The following RIN3 variants were observed in gnomAD, a reference collection of about 807,000 sequenced individuals.
RIN3 encodes Ras and Rab interactor 3, also known as RAB5 interacting protein 3.
Under a neutral mutation model 76.3 loss-of-function variants are expected in RIN3, and 54 were observed. The observed-to-expected ratio is 0.71, with a 90% CI of 0.57 to 0.89. RIN3 has a LOEUF of 0.89. RIN3 is among the 40% of genes least tolerant of loss of function. The pLI, the probability that RIN3 is intolerant of heterozygous loss-of-function variation, is 0.00. For synonymous variants in RIN3, 576 were observed against 564.0 expected, an observed-to-expected ratio of 1.02 and a Z score of -0.30; for missense variants, 1,256 against 1,322.1, an observed-to-expected ratio of 0.95 and a Z score of 0.78.
chr14:92,659,732 G>A (rs923599408), intron 7 of RIN3, among the ~76,000 whole-genome samples: 1 of 152,214 alleles, frequency 6.6e-6, no homozygotes, highest in African/African-American at 2.4e-5. Context: ...GTGTGAATGA[G>A]GAAAAGCACT....
chr14:92,613,376 A>T (rs1458150414), intron 3 of RIN3, among the ~76,000 whole-genome samples: 1 of 152,142 alleles, frequency 6.6e-6, no homozygotes, highest in Non-Finnish European at 1.5e-5. Context: ...GCATCCTCCA[A>T]ATACCTCCTG....
chr14:92,526,264 T>C (rs574714300), intron 1 of RIN3, among the ~76,000 whole-genome samples: 2 of 152,166 alleles, frequency 1.3e-5, no homozygotes, highest in Admixed American at 6.5e-5. Flanking sequence ...GAGACCAGCC[T>C]GGGCAACATG....
At chr14:92,608,225 T>C (rs892057182) in intron 3 of RIN3, among the ~76,000 whole-genome samples, 1 of 152,146 alleles carries the variant, frequency 6.6e-6, no homozygotes, top group Admixed American at 6.5e-5. Flanking sequence ...AATTTCCGGG[T>C]TTTGACATTG....
chr14:92,656,419 C>T lies in RIN3; in HGVS notation c.2027-2742C>T, dbSNP rs1401950194. 1.3e-5 allele frequency among the ~76,000 whole-genome samples: 2 copies of T among 152,080 alleles called. No homozygotes were observed. The highest frequency in any genetic ancestry group is 4.1e-4 in the South Asian group (2 of 4,834). On this transcript the variant is annotated intron_variant, in intron 6 of 9. Coordinates refer to ENST00000216487, the MANE Select transcript of RIN3 (RefSeq NM_024832.5). This position sits in a 1 kb window ranked among gnomAD's most constrained non-coding sequence, Gnocchi z 5.2. Reference sequence around the variant, plus strand: ...AGGGGGACGGCTCAGGAGGCTGCGGCGGGGCAAGGCCAGTACCCGGTGGCC... The same window carrying T: ...AGGGGGACGGCTCAGGAGGCTGCGGTGGGGCAAGGCCAGTACCCGGTGGCC...
chr14:92,659,215 CCATCAACT>C lies in RIN3; in HGVS notation c.2085_2092del (p.Ile695MetfsTer29). 1 of 1,614,162 alleles carries C rather than the reference CCATCAACT, an allele frequency of 6.2e-7. No individual in the cohort carries two copies. Among genetic ancestry groups the C allele is most frequent in the Non-Finnish European group, 8.5e-7 (1 of 1,180,012 alleles). ...TGTGTCCTGAAGCCCCTGAAGGAAG[CCATCAACT>C]CATGCCTGCATCAGATCCACAGCAA... On this transcript the variant is annotated frameshift_variant, in exon 7 of 10. Coordinates refer to ENST00000216487, the MANE Select transcript of RIN3 (RefSeq NM_024832.5). LOFTEE classifies it high-confidence loss of function.
chr14:92,535,605 T>C (rs921995160), intron 1 of RIN3, among the ~76,000 whole-genome samples: 3 of 151,884 alleles, frequency 2.0e-5, no homozygotes, highest in African/African-American at 7.2e-5. Flanking sequence ...CTTTACTTTC[T>C]TCTAGAAGCT....
intron 4 of RIN3, among the ~76,000 whole-genome samples, chr14:92,621,388 C>A (rs951991776): frequency 1.3e-5 from 2 of 152,078 alleles, no homozygotes; most frequent in Admixed American, 6.6e-5. Flanking sequence ...ATGACCCAGC[C>A]CTCAGGAGGT....
At chr14:92,553,059 C>A (rs75089504) in intron 1 of RIN3, among the ~76,000 whole-genome samples, 2,372 of 151,272 alleles carry the variant, frequency 0.016, 74 homozygotes, top group African/African-American at 0.054. Context: ...TGGGGATGAG[C>A]CCAGGTCACA....
At chr14:92,558,272 C>T (rs900885721) in intron 2 of RIN3, among the ~76,000 whole-genome samples, 13 of 152,152 alleles carry the variant, frequency 8.5e-5, no homozygotes, top group East Asian at 5.8e-4. Flanking sequence ...TTACTTGAAC[C>T]GGGGAGGTGG....
intron 1 of RIN3, among the ~76,000 whole-genome samples, chr14:92,537,269 G>T (rs146130839): frequency 3.3e-5 from 5 of 152,048 alleles, no homozygotes; most frequent in Admixed American, 1.3e-4. Context: ...TTCCTACATT[G>T]CTTTTGTCCT....
chr14:92,660,679 G>A (rs114432789), intron 7 of RIN3, among the ~76,000 whole-genome samples: 2,398 of 152,332 alleles, frequency 0.016, 64 homozygotes, highest in African/African-American at 0.055. Context: ...AGGCACAAGA[G>A]ACCATCCCAG....
chr14:92,551,135 A>G (rs915323958), intron 1 of RIN3, among the ~76,000 whole-genome samples: 26 of 152,214 alleles, frequency 1.7e-4, no homozygotes, highest in Admixed American at 7.9e-4. Context: ...TTGGTATAAA[A>G]TTTGCATGTG....
At chr14:92,581,294 G>A (rs1177657245) in intron 3 of RIN3, among the ~76,000 whole-genome samples, 1 of 152,210 alleles carries the variant, frequency 6.6e-6, no homozygotes, top group Admixed American at 6.5e-5. Context: ...GAGACCAGGA[G>A]GGTACAGACC....
intron 7 of RIN3, among the ~76,000 whole-genome samples, chr14:92,671,348 G>T (rs989542819): frequency 2.6e-5 from 4 of 152,184 alleles, no homozygotes; most frequent in Non-Finnish European, 5.9e-5. Flanking sequence ...GTGTGCAAAG[G>T]CCTGGAGAGG....
At chr14:92,614,630 G>C (rs1201059339) in intron 3 of RIN3, among the ~76,000 whole-genome samples, 4 of 151,794 alleles carry the variant, frequency 2.6e-5, no homozygotes, top group African/African-American at 4.8e-5. Flanking sequence ...CCCCCATACT[G>C]TTCTCCTGGT....
At chr14:92,631,635 T>C (rs935466458) in intron 4 of RIN3, among the ~76,000 whole-genome samples, 2 of 151,948 alleles carry the variant, frequency 1.3e-5, no homozygotes, top group Non-Finnish European at 2.9e-5. Context: ...GGAGTCTCAC[T>C]CTGTCACCAG....
chr14:92,560,146 G>A (rs936300512), intron 2 of RIN3, among the ~76,000 whole-genome samples: 1 of 152,176 alleles, frequency 6.6e-6, no homozygotes, highest in Non-Finnish European at 1.5e-5. Context: ...CGAGAAGGCT[G>A]GACACTCCTT....
chr14:92,602,068 A>G (rs980591198), intron 3 of RIN3, among the ~76,000 whole-genome samples: 2 of 152,248 alleles, frequency 1.3e-5, no homozygotes, highest in African/African-American at 2.4e-5. Context: ...TGCTGCTTGC[A>G]GCAACGACGA....
At chr14:92,564,816 G>GCA (rs913996014) in intron 2 of RIN3, among the ~76,000 whole-genome samples, 33 of 152,284 alleles carry the variant, frequency 2.2e-4, no homozygotes, top group African/African-American at 7.5e-4. Context: ...GAGGAAACGC[G>GCA]CACACACACG....
Sources: allele counts gnomAD v4.1 joint callset (sites outside exome capture counted in the v4.1 genomes callset), GRCh38; gene constraint gnomAD v4.1.1; non-coding constraint Gnocchi (gnomAD v3.1); transcripts MANE v1.5; gene names NCBI Gene and HGNC (gene_info 2026-07-23, HGNC 2026-07-21).